Variants in PHLPP1 observed in about 807,000 individuals in gnomAD.
The protein encoded by PHLPP1 is PH domain leucine-rich repeat-containing protein phosphatase 1.
In PHLPP1, 42 loss-of-function variants were observed where a neutral mutation model predicts 117.2. That is an observed-to-expected ratio of 0.36 (90% confidence interval 0.28 to 0.46). The LOEUF is 0.46. Among genes scored for constraint, PHLPP1 ranks in the 20% least tolerant of loss-of-function variants. PHLPP1 has a pLI of 1.00. For missense variants in PHLPP1, 2,084 were observed against 2,241.9 expected (o/e 0.93, Z 1.42); for synonymous variants, 1,042 against 970.7 (o/e 1.07, Z -1.37).
chr18:62,740,259 C>T (rs1442082493), intron 1 of PHLPP1, among the ~76,000 whole-genome samples: 1 of 152,076 alleles, frequency 6.6e-6, no homozygotes, highest in East Asian at 1.9e-4. Context: ...ATTGTGCTTT[C>T]TATTATATTC....
At chr18:62,927,035 G>A (rs1188462395) in intron 10 of PHLPP1, among the ~76,000 whole-genome samples, 1 of 152,156 alleles carries the variant, frequency 6.6e-6, no homozygotes, top group Non-Finnish European at 1.5e-5. Flanking sequence ...GTATAAGTAA[G>A]TGCAACTTGA....
intron 12 of PHLPP1, among the ~76,000 whole-genome samples, chr18:62,957,424 T>C (rs1910643274): frequency 6.6e-6 from 1 of 152,164 alleles, no homozygotes; most frequent in East Asian, 1.9e-4. Context: ...GTTGATGCCT[T>C]GAGGGTAGGA....
chr18:62,917,510 C>T (rs1215212526), intron 9 of PHLPP1, among the ~76,000 whole-genome samples: 1 of 151,024 alleles, frequency 6.6e-6, no homozygotes, highest in East Asian at 1.9e-4. Context: ...TCTGTGTGAG[C>T]CCTGTTGTTG....
At chr18:62,722,436 A>G (rs1463402288) in intron 1 of PHLPP1, among the ~76,000 whole-genome samples, 1 of 152,232 alleles carries the variant, frequency 6.6e-6, no homozygotes. Context: ...GACGCCTGAC[A>G]TTTTGAAAAA....
At chr18:62,820,229 A>G (rs897234848) in intron 1 of PHLPP1, among the ~76,000 whole-genome samples, 3 of 152,242 alleles carry the variant, frequency 2.0e-5, no homozygotes, top group African/African-American at 7.2e-5. Context: ...GCAGAAATAG[A>G]CAGATCCACA....
intron 10 of PHLPP1, among the ~76,000 whole-genome samples, chr18:62,928,939 G>A (rs1330786979): frequency 1.3e-5 from 2 of 152,132 alleles, no homozygotes; most frequent in Non-Finnish European, 1.5e-5. Context: ...TTTGGATTTG[G>A]CAAATCCATA....
intron 4 of PHLPP1, among the ~76,000 whole-genome samples, chr18:62,894,207 C>T (rs558894301): frequency 6.6e-6 from 1 of 152,206 alleles, no homozygotes; most frequent in East Asian, 1.9e-4. Context: ...ATAATTGGTT[C>T]TTTTTTGAGA....
chr18:62,814,727 C>A (rs140159271), intron 1 of PHLPP1, among the ~76,000 whole-genome samples: 54 of 152,278 alleles, frequency 3.5e-4, no homozygotes, highest in African/African-American at 9.9e-4. Flanking sequence ...CACTCTCTTA[C>A]ATTTTGGAAA....
At chr18:62,912,700 A>G (rs1028287679) in intron 8 of PHLPP1, among the ~76,000 whole-genome samples, 6 of 152,174 alleles carry the variant, frequency 3.9e-5, no homozygotes, top group Admixed American at 3.3e-4. Context: ...GCTCACTGCA[A>G]CCTCTACTTC....
At chr18:62,730,436 T>G (rs577083395) in intron 1 of PHLPP1, among the ~76,000 whole-genome samples, 44 of 152,280 alleles carry the variant, frequency 2.9e-4, no homozygotes, top group Non-Finnish European at 5.3e-4. Context: ...TCTTTGTGCT[T>G]CTTTACATGA....
rs935785132 is a variant in PHLPP1 at position 62,716,802 on chromosome 18, G to T, written c.1119G>T (p.Ser373=). 6.6e-7 allele frequency: 1 copy of T among 1,525,934 alleles called. No homozygotes were observed. The highest frequency in any genetic ancestry group is 2.0e-5 in the Admixed American group (1 of 50,142). The allele number at this position is 1,525,934 out of a possible 1,614,324, so 94.5% of individuals were successfully genotyped here. A position where few individuals can be genotyped will look rare whatever the true frequency, so the allele number is the denominator to read the frequency against. Residue 373 remains serine (S), a synonymous_variant, in exon 1 of 17, where the codon TCG becomes TCT. Transcript: ENST00000262719. This position sits in a 1 kb window ranked among gnomAD's most constrained non-coding sequence, Gnocchi z 5.7. ...LDPYSSGGGS[S]SSSEELEADA... is the part of the protein sequence containing the mutation. Reference sequence around the variant, plus strand: ...CCTACAGCAGCGGCGGCGGCTCCTCGTCGTCGTCGGAAGAGCTCGAGGCCG... The same window carrying T: ...CCTACAGCAGCGGCGGCGGCTCCTCTTCGTCGTCGGAAGAGCTCGAGGCCG...
Position 62,717,201 on chromosome 18 carries a change from G to A in PHLPP1, c.1518G>A (p.Trp506Ter), listed in dbSNP as rs1910781413. The change falls in exon 1 of 17, where the codon TGG (tryptophan) becomes TGA (stop). Residue 506 changes from tryptophan (W) to a stop codon, truncating the protein, a stop_gained. Coordinates refer to ENST00000262719, the MANE Select transcript of PHLPP1 (RefSeq NM_194449.4). LOFTEE classifies it high-confidence loss of function. Reference sequence around the variant, plus strand: ...TCCAACTGGGATTTGGGGAGCTGTGGAGGGTGCAGGAGGAAGGCATGGACT... The same window carrying A: ...TCCAACTGGGATTTGGGGAGCTGTGAAGGGTGCAGGAGGAAGGCATGGACT... ...YLFQLGFGEL[W>*]RVQEEGMDSE... 1 of 1,610,496 alleles carries A rather than the reference G, an allele frequency of 6.2e-7. No homozygotes were observed. Among genetic ancestry groups the A allele is most frequent in the Admixed American group, 1.7e-5 (1 of 59,820 alleles).
chr18:62,907,348 A>C (rs1248573825), intron 8 of PHLPP1, among the ~76,000 whole-genome samples: 145 of 37,992 alleles, frequency 3.8e-3, no homozygotes, highest in Middle Eastern at 7.9e-3. Flanking sequence ...TCAGACGATC[A>C]AATTACTCTG....
chr18:62,932,834 TTGA>T (rs1417176656), intron 10 of PHLPP1, among the ~76,000 whole-genome samples: 1 of 152,156 alleles, frequency 6.6e-6, no homozygotes, highest in Non-Finnish European at 1.5e-5. Flanking sequence ...TATCCGTTCG[TTGA>T]TGATACGATT....
intron 1 of PHLPP1, among the ~76,000 whole-genome samples, chr18:62,815,711 T>C (rs904534884): frequency 3.3e-5 from 5 of 152,212 alleles, no homozygotes; most frequent in Non-Finnish European, 5.9e-5. Flanking sequence ...CTACATTTTG[T>C]TTGTTAGAAG....
At chr18:62,817,495 G>A (rs911596556) in intron 1 of PHLPP1, among the ~76,000 whole-genome samples, 2 of 151,886 alleles carry the variant, frequency 1.3e-5, no homozygotes, top group African/African-American at 4.8e-5. Flanking sequence ...ATTAACAATA[G>A]CTCAAACACT....
intron 2 of PHLPP1, among the ~76,000 whole-genome samples, chr18:62,836,309 G>A (rs1364008390): frequency 5.3e-5 from 8 of 151,348 alleles, no homozygotes; most frequent in African/African-American, 9.7e-5. Context: ...GCAGGCGCCT[G>A]TAATCCCAGT....
chr18:62,765,598 T>C (rs1912444942), intron 1 of PHLPP1, among the ~76,000 whole-genome samples: 1 of 152,188 alleles, frequency 6.6e-6, no homozygotes, highest in Non-Finnish European at 1.5e-5. Flanking sequence ...CATATTGCAG[T>C]CTATTAAAGC....
intron 1 of PHLPP1, among the ~76,000 whole-genome samples, chr18:62,762,258 T>A (rs1432893906): frequency 6.6e-6 from 1 of 151,680 alleles, no homozygotes; most frequent in Non-Finnish European, 1.5e-5. Flanking sequence ...GGGAATTGAT[T>A]GTTTAGGATC....
Sources: allele counts gnomAD v4.1 joint callset (sites outside exome capture counted in the v4.1 genomes callset), GRCh38; gene constraint gnomAD v4.1.1; non-coding constraint Gnocchi (gnomAD v3.1); transcripts MANE v1.5; gene names NCBI Gene and HGNC (gene_info 2026-07-23, HGNC 2026-07-21).